The following CELF5 variants were observed in gnomAD, a reference collection of about 807,000 sequenced individuals.
CELF5 encodes CUGBP Elav-like family member 5.
Under a neutral mutation model 54.9 loss-of-function variants are expected in CELF5, and 6 were observed. The observed-to-expected ratio is 0.11, with a 90% confidence interval of 0.06 to 0.22. CELF5 has a LOEUF of 0.22. CELF5 is among the 10% of genes least tolerant of loss of function. CELF5 has a pLI of 1.00. For missense variants in CELF5, 401 were observed against 678.6 expected (o/e 0.59, Z 4.54); for synonymous variants, 271 against 290.9 (o/e 0.93, Z 0.70).
intron 1 of CELF5, among the ~76,000 whole-genome samples, chr19:3,240,912 G>C (rs1418404890): frequency 6.6e-6 from 1 of 151,966 alleles, no homozygotes; most frequent in Non-Finnish European, 1.5e-5. Context: ...TTTGGGCTGA[G>C]GTCCCCAGCT....
At chr19:3,255,489 G>A (rs577545475) in intron 2 of CELF5, among the ~76,000 whole-genome samples, 1 of 151,662 alleles carries the variant, frequency 6.6e-6, no homozygotes, top group Admixed American at 6.6e-5. Flanking sequence ...TACTGCCCCC[G>A]ACTGCTTTTT....
chr19:3,243,063 A>T (rs1460197125), intron 1 of CELF5, among the ~76,000 whole-genome samples: 1 of 152,126 alleles, frequency 6.6e-6, no homozygotes, highest in Non-Finnish European at 1.5e-5. Context: ...CCCATCTCTC[A>T]TCTGTAAAAT....
rs1411856957 is a variant in CELF5, at chr19:3,256,807, A to T, written c.342+5740A>T. On this transcript the variant is annotated intron_variant, in intron 2 of 12. Coordinates refer to ENST00000292672, the MANE Select transcript of CELF5 (RefSeq NM_021938.4). Reference sequence around the variant, plus strand: ...GGTCTCAAACTCCTGACCTCAAGTGATCCACCAGCCTCGGCCTCCTAAAGT... The same window carrying T: ...GGTCTCAAACTCCTGACCTCAAGTGTTCCACCAGCCTCGGCCTCCTAAAGT... Among the ~76,000 whole-genome samples the T allele has an allele frequency of 1.9e-4, 29 of 151,794 alleles. 1 individual carries two copies. The highest frequency in any genetic ancestry group is 2.9e-5 in the Non-Finnish European group (2 of 67,966).
At chr19:3,286,369 C>T (rs1185258730) in intron 10 of CELF5, 1 of 291,032 alleles carries the variant, frequency 3.4e-6, no homozygotes, top group Non-Finnish European at 6.4e-6. Context: ...GGTAATGAGG[C>T]CTCCCCAGTA....
At chr19:3,234,220 G>A (rs1232038728) in intron 1 of CELF5, among the ~76,000 whole-genome samples, 1 of 152,098 alleles carries the variant, frequency 6.6e-6, no homozygotes, top group East Asian at 1.9e-4. Flanking sequence ...AGGCGAGGAA[G>A]AGGAAGGGAT....
chr19:3,290,334 G>A lies in CELF5; in HGVS notation c.1290G>A (p.Lys430=). The change falls in exon 11 of 13, where the codon AAG becomes AAA. Residue 430 remains lysine, a synonymous_variant. Transcript: ENST00000292672. Reference sequence around the variant, plus strand: ...CCTTCGGCAATATCATTTCCTCCAAGGTGTTTATGGATCGAGCTACCAACC... The same window carrying A: ...CCTTCGGCAATATCATTTCCTCCAAAGTGTTTATGGATCGAGCTACCAACC... The part of the protein sequence containing the change: ...FLPFGNIISS[K]VFMDRATNQS... 6.2e-7 allele frequency: 1 copy of A among 1,614,014 alleles called. No homozygotes were observed. Among genetic ancestry groups the A allele is most frequent in the Admixed American group, 1.7e-5 (1 of 60,000 alleles).
At chr19:3,227,914 G>T (rs1006746472) in intron 1 of CELF5, among the ~76,000 whole-genome samples, 1 of 152,116 alleles carries the variant, frequency 6.6e-6, no homozygotes, top group African/African-American at 2.4e-5. Context: ...GGATGGAGGG[G>T]CCCGTGACAC....
chr19:3,239,855 G>A (rs1288510810), intron 1 of CELF5, among the ~76,000 whole-genome samples: 1 of 151,848 alleles, frequency 6.6e-6, no homozygotes, highest in African/African-American at 2.4e-5. Flanking sequence ...CTGGCCCCAG[G>A]AGGCTCTTTC....
chr19:3,256,873 AT>A (rs1295752333), intron 2 of CELF5, among the ~76,000 whole-genome samples: 1 of 149,988 alleles, frequency 6.7e-6, no homozygotes, highest in African/African-American at 2.5e-5. Context: ...TGGCCTTATT[AT>A]TTTTTTTCTG....
Position 3,284,979 on chromosome 19 carries a change from G to GCGTGCCCGCGCTGGGCCCTGGCCC in CELF5, c.1102+18_1102+41dup. The GCGTGCCCGCGCTGGGCCCTGGCCC allele has an allele frequency of 6.4e-7, 1 of 1,563,506 alleles. No individual in the cohort carries two copies. The highest frequency in any genetic ancestry group is 8.8e-7 in the Non-Finnish European group (1 of 1,139,648). On this transcript the variant is annotated intron_variant, in intron 9 of 12. Transcript: ENST00000292672. ...GCAGTACACAGGTAGGAGGCAGCCC[G>GCGTGCCCGCGCTGGGCCCTGGCCC]CGTGCCCGCGCTGGGCCCTGGCCCC... is the stretch of plus-strand genomic sequence containing the variant.
intron 5 of CELF5, among the ~76,000 whole-genome samples, chr19:3,279,711 TTA>T (rs2145255184): frequency 6.6e-6 from 1 of 152,204 alleles, no homozygotes; most frequent in Admixed American, 6.5e-5. Flanking sequence ...GGCCTCTCTT[TTA>T]TTTTTTTGAG....
At chr19:3,256,064 C>CAGAAA (rs372488135) in intron 2 of CELF5, among the ~76,000 whole-genome samples, 10 of 139,606 alleles carry the variant, frequency 7.2e-5, no homozygotes, top group Middle Eastern at 3.6e-3. Flanking sequence ...GACCCTGTCT[C>CAGAAA]AAAAAAAAAG....
Position 3,234,388 on chromosome 19 carries a change from C to T in CELF5, c.259+9390C>T, listed in dbSNP as rs117994623. On this transcript the variant is annotated intron_variant, in intron 1 of 12. Coordinates refer to ENST00000292672, the MANE Select transcript of CELF5 (RefSeq NM_021938.4). The stretch of plus-strand genomic sequence containing the variant: ...CATTGAGATCGTAGGTGTGAGCCAC[C>T]GCGCCCAGCCATGATGTGGTTCTCA... Among the ~76,000 whole-genome samples, 275 of 152,244 alleles carry T rather than the reference C, an allele frequency of 1.8e-3. 4 individuals carry two copies. The South Asian group carries it at 0.023, about 13-fold the overall frequency.
intron 10 of CELF5, among the ~76,000 whole-genome samples, chr19:3,287,263 A>G (rs974088768): frequency 1.3e-5 from 2 of 151,402 alleles, no homozygotes; most frequent in African/African-American, 2.4e-5. Flanking sequence ...ACTTAAATGA[A>G]GTTTTAAAAC....
At position 3,265,269 on chromosome 19, in the gene CELF5, T is replaced by A. The variant is rs551237085; in HGVS notation, c.343-8603T>A. Among the ~76,000 whole-genome samples, 357 of 152,090 alleles carry A rather than the reference T, an allele frequency of 2.3e-3. 3 individuals carry two copies. Among genetic ancestry groups the A allele is most frequent in the Non-Finnish European group, 3.4e-3 (232 of 67,978 alleles). ...GGGAGGAGCATTTGAGCCCAGGAGA[T>A]TGAGGATGCAGTGAGCTATTGATGC... is the stretch of plus-strand genomic sequence containing the variant. On this transcript the variant is annotated intron_variant, in intron 2 of 12. Transcript: ENST00000292672.
At chr19:3,243,098 A>C (rs937753084) in intron 1 of CELF5, among the ~76,000 whole-genome samples, 2 of 152,200 alleles carry the variant, frequency 1.3e-5, no homozygotes, top group Non-Finnish European at 2.9e-5. Context: ...CAGCTACTGC[A>C]TAGGGGCTAC....
chr19:3,280,801 C>T (rs937038165), intron 5 of CELF5, among the ~76,000 whole-genome samples: 5 of 152,142 alleles, frequency 3.3e-5, no homozygotes, highest in Non-Finnish European at 1.5e-5. Context: ...GTTCGTCCAC[C>T]TGAGCCCACT....
At position 3,224,851 on chromosome 19, in the gene CELF5, G is replaced by T. The variant is rs750057602; in HGVS notation, c.112G>T (p.Gly38Cys). The T allele has an allele frequency of 6.2e-7, 1 of 1,600,710 alleles. No homozygotes were observed. The highest frequency in any genetic ancestry group is 8.5e-7 in the Non-Finnish European group (1 of 1,174,580). ...CGAGCCCCCCGGGGGGCAGCCCGAC[G>T]GCATGAAGGACCTGGACGCCATCAA... ...GPEPPGGQPDGMKDLDAIKLF... is the reference protein window; with the variant it reads ...GPEPPGGQPDCMKDLDAIKLF... The change falls in exon 1 of 13, where the codon GGC becomes TGC. Residue 38 changes from glycine (G) to cysteine (C), a missense_variant. This residue lies in a region of CELF5 where 66 missense variants were observed against 132.3 expected (regional missense o/e 0.50). Transcript: ENST00000292672.
chr19:3,276,270 G>A, intron 4 of CELF5, among the ~76,000 whole-genome samples: 1 of 147,278 alleles, frequency 6.8e-6, no homozygotes, highest in East Asian at 2.0e-4. Context: ...GCCCTGGGGA[G>A]GGGTGGGGCT....
Sources: gnomAD v4.1 joint callset for allele counts (sites outside exome capture counted in the v4.1 genomes callset) on GRCh38, gnomAD v4.1.1 for gene constraint, gnomAD v4.1.1 regional missense constraint, MANE v1.5 for transcripts, NCBI Gene and HGNC (gene_info 2026-07-23, HGNC 2026-07-21) for gene names.